The following FAM171A1 variants were observed in gnomAD, a reference collection of about 807,000 sequenced individuals.
FAM171A1 encodes protein FAM171A1.
A neutral mutation model predicts 74.9 loss-of-function variants in FAM171A1; 23 were observed. The ratio of observed to expected loss-of-function variants is 0.31; its 90% CI spans 0.22 to 0.44. The LOEUF (loss-of-function observed/expected upper bound fraction) is 0.44. Ranked by LOEUF, FAM171A1 falls within the 20% of genes least tolerant of loss-of-function variation. The pLI is 1.00. For synonymous variants in FAM171A1, 527 were observed against 505.7 expected, an observed-to-expected ratio of 1.04 and a Z score of -0.57; for missense variants, 1,162 against 1,159.2, an observed-to-expected ratio of 1.00 and a Z score of -0.03.
At chr10:15,287,389 C>G (rs1835049891) in intron 1 of FAM171A1, among the ~76,000 whole-genome samples, 1 of 145,772 alleles carries the variant, frequency 6.9e-6, no homozygotes. Flanking sequence ...ACCGCGCCGG[C>G]CTCTTTTTTT....
chr10:15,271,411 G>A (rs1020821974), intron 3 of FAM171A1, among the ~76,000 whole-genome samples: 3 of 152,200 alleles, frequency 2.0e-5, no homozygotes, highest in Non-Finnish European at 4.4e-5. Flanking sequence ...CGTCTGATTG[G>A]TGTACCTGAA....
chr10:15,320,563 T>G (rs1835475248), intron 1 of FAM171A1, among the ~76,000 whole-genome samples: 1 of 152,264 alleles, frequency 6.6e-6, no homozygotes, highest in Admixed American at 6.5e-5. Context: ...CAATAGTGGC[T>G]GAACTAACTT....
At chr10:15,273,913 T>A (rs578148099) in intron 3 of FAM171A1, among the ~76,000 whole-genome samples, 48 of 152,134 alleles carry the variant, frequency 3.2e-4, no homozygotes, top group Admixed American at 2.0e-3. Flanking sequence ...TTATGACAAA[T>A]CCACAGCGAA....
chr10:15,232,315 T>C (rs1365501861), intron 5 of FAM171A1, among the ~76,000 whole-genome samples: 1 of 152,150 alleles, frequency 6.6e-6, no homozygotes, highest in Non-Finnish European at 1.5e-5. Context: ...TCTGACCAGC[T>C]AATGACTCTC....
rs529307775 is a variant in FAM171A1, at chr10:15,335,981, C to A, written c.97+34975G>T. Among the ~76,000 whole-genome samples, 8 of 152,222 alleles carry A rather than the reference C, an allele frequency of 5.3e-5. 1 individual carries two copies. In the East Asian group the frequency reaches 1.5e-3, roughly 29 times the overall value. On this transcript the variant is annotated intron_variant, in intron 1 of 7. Coordinates refer to ENST00000378116, the MANE Select transcript of FAM171A1 (RefSeq NM_001010924.2). The stretch of plus-strand genomic sequence containing the variant: ...TTACCTTGCAAAGAATTCTTTTAAT[C>A]CCTGCAAGTGACCTCAGATTTTTTT...
chr10:15,241,314 T>C (rs1007141071), intron 5 of FAM171A1: 1 of 152,336 alleles, frequency 6.6e-6, no homozygotes, highest in African/African-American at 2.4e-5. Flanking sequence ...ACTGTAATAT[T>C]AGAATGGAAA....
At chr10:15,313,208 C>T (rs1301700239) in intron 1 of FAM171A1, among the ~76,000 whole-genome samples, 1 of 152,192 alleles carries the variant, frequency 6.6e-6, no homozygotes, top group African/African-American at 2.4e-5. Flanking sequence ...CCTACTCTGA[C>T]CCACTGCTTT....
At chr10:15,361,793 CTT>C (rs1227605388) in intron 1 of FAM171A1, among the ~76,000 whole-genome samples, 1 of 152,182 alleles carries the variant, frequency 6.6e-6, no homozygotes, top group African/African-American at 2.4e-5. Context: ...CATTAAAACT[CTT>C]TCTCCCAATA....
intron 5 of FAM171A1, among the ~76,000 whole-genome samples, chr10:15,231,071 G>A (rs749750770): frequency 1.4e-4 from 21 of 152,216 alleles, no homozygotes; most frequent in Admixed American, 3.3e-4. Context: ...ATAACTGAGC[G>A]TTCTCATAAC....
chr10:15,251,637 C>A (rs1834509875), intron 4 of FAM171A1, among the ~76,000 whole-genome samples: 1 of 151,844 alleles, frequency 6.6e-6, no homozygotes, highest in African/African-American at 2.4e-5. Context: ...GAACTCCTGA[C>A]CTCCCTCCCA....
chr10:15,271,821 G>C (rs550192052), intron 3 of FAM171A1, among the ~76,000 whole-genome samples: 2 of 152,302 alleles, frequency 1.3e-5, no homozygotes, highest in Admixed American at 1.3e-4. Context: ...ATCCTTTACA[G>C]ACAAGCAAAT....
chr10:15,252,079 T>C (rs1834515948), intron 4 of FAM171A1, among the ~76,000 whole-genome samples: 1 of 152,264 alleles, frequency 6.6e-6, no homozygotes, highest in African/African-American at 2.4e-5. Flanking sequence ...TGTCATTTTA[T>C]TGACTCTTCT....
intron 1 of FAM171A1, among the ~76,000 whole-genome samples, chr10:15,305,176 T>A (rs4750619): frequency 0.29 from 44,179 of 152,206 alleles, 8,104 homozygotes; most frequent in East Asian, 0.61. Flanking sequence ...AACAAGGTAC[T>A]GGTGCAGAAC....
At chr10:15,327,391 C>T (rs867821980) in intron 1 of FAM171A1, among the ~76,000 whole-genome samples, 5 of 152,080 alleles carry the variant, frequency 3.3e-5, no homozygotes, top group South Asian at 4.2e-4. Context: ...GGCTCACGTC[C>T]GTTATCTCAG....
intron 1 of FAM171A1, among the ~76,000 whole-genome samples, chr10:15,298,221 G>A (rs942423681): frequency 3.3e-5 from 5 of 151,698 alleles, no homozygotes; most frequent in African/African-American, 1.2e-4. Context: ...TGCAACCTTC[G>A]CCTTCCAGGT....
intron 5 of FAM171A1, among the ~76,000 whole-genome samples, chr10:15,225,908 G>C (rs1424918911): frequency 6.6e-6 from 1 of 152,192 alleles, no homozygotes; most frequent in Non-Finnish European, 1.5e-5. Context: ...TCCTTCTTAA[G>C]CCTGTCTCCT....
intron 1 of FAM171A1, among the ~76,000 whole-genome samples, chr10:15,300,283 C>T (rs1167289837): frequency 6.6e-6 from 1 of 152,138 alleles, no homozygotes; most frequent in Admixed American, 6.6e-5. Context: ...GAGGAGTGGG[C>T]ACAGAATGCA....
At chr10:15,250,741 C>A (rs1197299804) in intron 4 of FAM171A1, among the ~76,000 whole-genome samples, 1 of 152,138 alleles carries the variant, frequency 6.6e-6, no homozygotes, top group Non-Finnish European at 1.5e-5. Flanking sequence ...TCCTGGGTGA[C>A]AGAGTGACAC....
chr10:15,285,648 GT>G (rs79782367), intron 1 of FAM171A1, among the ~76,000 whole-genome samples: 3,526 of 152,318 alleles, frequency 0.023, 117 homozygotes, highest in African/African-American at 0.066. Context: ...AGCAGCTGGT[GT>G]GATGTATGTC....
Sources: gnomAD v4.1 joint callset for allele counts (sites outside exome capture counted in the v4.1 genomes callset) on GRCh38, gnomAD v4.1.1 for gene constraint, MANE v1.5 for transcripts, NCBI Gene and HGNC (gene_info 2026-07-23, HGNC 2026-07-21) for gene names.